ZNRF3: variants seen among roughly 807,000 people sequenced by gnomAD.
ZNRF3 encodes the protein E3 ubiquitin-protein ligase ZNRF3.
ZNRF3 carries 23 observed loss-of-function variants against 72.5 expected under a neutral mutation model. That is an observed-to-expected ratio of 0.32 (90% CI 0.23 to 0.45). The LOEUF (loss-of-function observed/expected upper bound fraction) is 0.45. Among genes scored for constraint, ZNRF3 ranks in the 20% least tolerant of loss-of-function variants. The pLI is 1.00. For synonymous variants in ZNRF3, 610 were observed against 545.3 expected (o/e 1.12, Z -1.65); for missense variants, 1,169 against 1,272.1 (o/e 0.92, Z 1.23).
Position 28,967,646 on chromosome 22 carries a change from G to A in ZNRF3, c.301-19430G>A, listed in dbSNP as rs557041713. ...TATGGATTTAATATATCCTGTTGAG[G>A]CTGGGTGCGGTGGCTGATGCTTGTA... On this transcript the variant is annotated intron_variant, in intron 1 of 8. Coordinates refer to ENST00000544604, the MANE Select transcript of ZNRF3 (RefSeq NM_001206998.2). 7.2e-5 allele frequency among the ~76,000 whole-genome samples: 11 copies of A among 152,204 alleles called. 1 individual carries two copies. In the South Asian group the frequency reaches 2.3e-3, roughly 32 times the overall value.
intron 1 of ZNRF3, among the ~76,000 whole-genome samples, chr22:28,902,152 G>T (rs1321045686): frequency 6.6e-6 from 1 of 152,008 alleles, no homozygotes; most frequent in Non-Finnish European, 1.5e-5. Flanking sequence ...GGCCAGGCTG[G>T]TCTTGAACTC....
rs1027132831 is a variant in ZNRF3 at position 29,048,462 on chromosome 22, C to T, written c.986C>T (p.Thr329Ile). ...CVDPWLLQHH[T>I]CPHCRHNIIE... is the part of the protein sequence containing the mutation. ...GACCCCTGGCTGCTGCAGCACCACA[C>T]CTGCCCCCACTGTCGGCACAACATC... Residue 329 changes from threonine (T) to isoleucine (I), a missense_variant, in exon 7 of 9, where the codon ACC becomes ATC. Physicochemically the swap from Thr to Ile is moderately conservative, Grantham distance 89 (BLOSUM62 -1). Transcript: ENST00000544604. This position sits in a 1 kb window ranked among gnomAD's most constrained non-coding sequence, Gnocchi z 4.9. The T allele has an allele frequency of 1.2e-6, 2 of 1,614,188 alleles. No homozygotes were observed. Among genetic ancestry groups the T allele is most frequent in the Non-Finnish European group, 1.7e-6 (2 of 1,180,010 alleles).
chr22:28,956,353 CTTTTTTTTTTTTT>C (rs61155224), intron 1 of ZNRF3, among the ~76,000 whole-genome samples: 1 of 110,450 alleles, frequency 9.1e-6, no homozygotes, highest in Non-Finnish European at 1.9e-5. Flanking sequence ...TTTCCATTTC[CTTTTTTTTTTTTT>C]TTTTTTTTTT....
intron 1 of ZNRF3, among the ~76,000 whole-genome samples, chr22:28,957,010 A>G (rs187762024): frequency 6.6e-6 from 1 of 152,366 alleles, no homozygotes; most frequent in Admixed American, 6.5e-5. Context: ...AATTCAGTCT[A>G]GAGAAGATAA....
chr22:28,901,087 G>A (rs375611566), intron 1 of ZNRF3, among the ~76,000 whole-genome samples: 2 of 151,890 alleles, frequency 1.3e-5, no homozygotes, highest in Non-Finnish European at 2.9e-5. Flanking sequence ...TTCCAGCCTG[G>A]GTGACACAGC....
At chr22:29,028,108 CAG>C (rs563830169) in intron 2 of ZNRF3, among the ~76,000 whole-genome samples, 133 of 152,308 alleles carry the variant, frequency 8.7e-4, no homozygotes, top group Non-Finnish European at 1.3e-3. Flanking sequence ...ATAGGGTACA[CAG>C]GGGACCATTT....
chr22:29,049,117 T>C lies in ZNRF3; in HGVS notation c.1016-80T>C. ...TGACCAAGCCTGCTGCTTCAGCCTT[T>C]GCCCGTTTTAAAAATCCCTTTAGCC... is the stretch of plus-strand genomic sequence containing the variant. On this transcript the variant is annotated intron_variant, in intron 7 of 8. Transcript: ENST00000544604. This position sits in a 1 kb window ranked among gnomAD's most constrained non-coding sequence, Gnocchi z 5.2. 6.9e-7 allele frequency: 1 copy of C among 1,456,864 alleles called. No individual in the cohort carries two copies. The allele number at this position is 1,456,864 out of a possible 1,614,324, so 90.2% of individuals were successfully genotyped here.
In ZNRF3 at chr22:29,048,720, C is replaced by G. The variant is rs78902623; in HGVS notation, c.1015+229C>G. Among the ~76,000 whole-genome samples the G allele has an allele frequency of 4.5e-4, 68 of 152,298 alleles. No homozygotes were observed. The highest frequency in any genetic ancestry group is 1.6e-3 in the African/African-American group (65 of 41,566). On this transcript the variant is annotated intron_variant, in intron 7 of 8. Transcript: ENST00000544604. This position sits in a 1 kb window ranked among gnomAD's most constrained non-coding sequence, Gnocchi z 4.9. Reference sequence around the variant, plus strand: ...TTCACATTAAGCAGCTTCTTGACCTCGGGCAAGACATCTGGCCTCTCCTAG... The same window carrying G: ...TTCACATTAAGCAGCTTCTTGACCTGGGGCAAGACATCTGGCCTCTCCTAG...
chr22:29,048,944 T>G lies in ZNRF3; in HGVS notation c.1016-253T>G, dbSNP rs903782518. On this transcript the variant is annotated intron_variant, in intron 7 of 8. Coordinates refer to ENST00000544604, the MANE Select transcript of ZNRF3 (RefSeq NM_001206998.2). This position sits in a 1 kb window ranked among gnomAD's most constrained non-coding sequence, Gnocchi z 4.9. The stretch of plus-strand genomic sequence containing the variant: ...TTGAATCCGATTCTTTTCTGCAGAC[T>G]TCTGTGGTGCCCTGTCAGGCAGAGC... 2.0e-5 allele frequency among the ~76,000 whole-genome samples: 3 copies of G among 152,182 alleles called. No individual in the cohort carries two copies. Among genetic ancestry groups the G allele is most frequent in the Non-Finnish European group, 2.9e-5 (2 of 68,042 alleles).
chr22:28,892,747 T>C (rs2033913018), intron 1 of ZNRF3, among the ~76,000 whole-genome samples: 1 of 152,194 alleles, frequency 6.6e-6, no homozygotes, highest in African/African-American at 2.4e-5. Context: ...GCCAGTGTAA[T>C]ATAGTTGTTT....
rs563796580 is a variant in ZNRF3, at chr22:29,023,666, G to A, written c.427-18829G>A. ...TGTGCTGCATTGTCTCCCAGGAATAGAGAAGTAGGATCAGTCATTTATTCC... is the reference window on the plus strand; with the variant it reads ...TGTGCTGCATTGTCTCCCAGGAATAAAGAAGTAGGATCAGTCATTTATTCC... On this transcript the variant is annotated intron_variant, in intron 2 of 8. Coordinates refer to ENST00000544604, the MANE Select transcript of ZNRF3 (RefSeq NM_001206998.2). Among the ~76,000 whole-genome samples, 4 of 152,338 alleles carry A rather than the reference G, an allele frequency of 2.6e-5. No homozygotes were observed. In the South Asian group the frequency reaches 6.2e-4, roughly 24 times the overall value.
Position 28,946,774 on chromosome 22 carries a change from T to G in ZNRF3, c.301-40302T>G, listed in dbSNP as rs886882625. On this transcript the variant is annotated intron_variant, in intron 1 of 8. Transcript: ENST00000544604. ...GACTGGGGAGTGGGTTTCATTTGTG[T>G]TTGGCAGTAGCTGGTGATGGCTGTT... is the stretch of plus-strand genomic sequence containing the variant. Among the ~76,000 whole-genome samples, 9 of 152,236 alleles carry G rather than the reference T, an allele frequency of 5.9e-5. No homozygotes were observed. In the South Asian group the frequency reaches 1.9e-3, roughly 32 times the overall value.
chr22:28,962,838 T>C (rs2035388960), intron 1 of ZNRF3, among the ~76,000 whole-genome samples: 1 of 152,262 alleles, frequency 6.6e-6, no homozygotes, highest in Non-Finnish European at 1.5e-5. Context: ...TTTGCAAGAA[T>C]AAAAGGCTCA....
Position 29,048,811 on chromosome 22 carries a change from GGGGGT to G in ZNRF3, c.1015+322_1015+326del, listed in dbSNP as rs1227285688. ...GGTGTTTGCCCACACCCAGTACCATGGGGGTGTTCCTAGGACCACGAGAGACGATG... is the reference window on the plus strand; with the variant it reads ...GGTGTTTGCCCACACCCAGTACCATGGTTCCTAGGACCACGAGAGACGATG... On this transcript the variant is annotated intron_variant, in intron 7 of 8. Coordinates refer to ENST00000544604, the MANE Select transcript of ZNRF3 (RefSeq NM_001206998.2). This position sits in a 1 kb window ranked among gnomAD's most constrained non-coding sequence, Gnocchi z 4.9. Among the ~76,000 whole-genome samples, 1 of 152,210 alleles carries G rather than the reference GGGGGT, an allele frequency of 6.6e-6. No homozygotes were observed. Among genetic ancestry groups the G allele is most frequent in the Admixed American group, 6.5e-5 (1 of 15,280 alleles).
chr22:28,964,752 A>G (rs1387243924), intron 1 of ZNRF3, among the ~76,000 whole-genome samples: 1 of 152,262 alleles, frequency 6.6e-6, no homozygotes, highest in Non-Finnish European at 1.5e-5. Context: ...TACAGTCTCA[A>G]GTGGACTCCT....
At chr22:28,884,594 A>G (rs1019840253) in intron 1 of ZNRF3, among the ~76,000 whole-genome samples, 17 of 152,032 alleles carry the variant, frequency 1.1e-4, no homozygotes, top group Non-Finnish European at 2.2e-4. Flanking sequence ...GGGGCTCTGG[A>G]CAAGCAGCAG....
intron 2 of ZNRF3, among the ~76,000 whole-genome samples, chr22:29,006,291 G>C (rs1333358624): frequency 3.0e-5 from 4 of 132,610 alleles, no homozygotes; most frequent in Non-Finnish European, 6.2e-5. Flanking sequence ...TCGGCTCACC[G>C]CAACCTCCAC....
intron 3 of ZNRF3, among the ~76,000 whole-genome samples, chr22:29,042,931 C>T (rs895149037): frequency 6.6e-6 from 1 of 152,136 alleles, no homozygotes. Context: ...CGAGCCACCA[C>T]GCCTGGCTAA....
chr22:29,050,314 C>G lies in ZNRF3; in HGVS notation c.2133C>G (p.Ala711=). The part of the protein sequence containing the change: ...WKGGHELPSC[A]CCCEPQPSPA... The stretch of plus-strand genomic sequence containing the variant: ...GGGGCCACGAGTTGCCGTCGTGTGC[C>G]TGCTGCTGCGAGCCCCAGCCCTCCC... The change falls in exon 8 of 9, where the codon GCC becomes GCG. Residue 711 remains alanine (A), a synonymous_variant. Coordinates refer to ENST00000544604, the MANE Select transcript of ZNRF3 (RefSeq NM_001206998.2). 6.3e-7 allele frequency: 1 copy of G among 1,599,592 alleles called. No homozygotes were observed. The highest frequency in any genetic ancestry group is 8.5e-7 in the Non-Finnish European group (1 of 1,177,926).
Sources: allele counts gnomAD v4.1 joint callset (sites outside exome capture counted in the v4.1 genomes callset), GRCh38; gene constraint gnomAD v4.1.1; non-coding constraint Gnocchi (gnomAD v3.1); transcripts MANE v1.5; gene names NCBI Gene and HGNC (gene_info 2026-07-23, HGNC 2026-07-21).